The following SLC24A2 variants were observed in gnomAD, a reference collection of about 807,000 sequenced individuals.
The protein encoded by SLC24A2 is sodium/potassium/calcium exchanger 2.
In SLC24A2, 36 loss-of-function variants were observed where a neutral mutation model predicts 62.0. The ratio of observed to expected loss-of-function variants is 0.58; its 90% CI spans 0.44 to 0.77. The LOEUF (loss-of-function observed/expected upper bound fraction) is 0.77. Among genes scored for constraint, SLC24A2 ranks in the 30% least tolerant of loss-of-function variants. SLC24A2 has a pLI of 0.00. For missense variants in SLC24A2, 846 were observed against 817.9 expected, an observed-to-expected ratio of 1.03 and a Z score of -0.42; for synonymous variants, 358 against 294.0, an observed-to-expected ratio of 1.22 and a Z score of -2.23.
At chr9:20,240,749 G>A in the SLC24A2 span, among the ~76,000 whole-genome samples, 35 of 152,154 alleles carry the variant, frequency 2.3e-4, no homozygotes. Context: ...TTTAGGGTGA[G>A]CAAAGGGGAG....
chr9:19,563,101 A>AACTC (rs1186056748), intron 7 of SLC24A2, among the ~76,000 whole-genome samples: 1 of 152,112 alleles, frequency 6.6e-6, no homozygotes, highest in Non-Finnish European at 1.5e-5. Flanking sequence ...GCAAGACCCC[A>AACTC]ACTCTAAAAA....
the SLC24A2 span, among the ~76,000 whole-genome samples, chr9:19,894,604 T>G: frequency 6.6e-6 from 1 of 152,200 alleles, no homozygotes; most frequent in Admixed American, 6.5e-5. Context: ...ACAACTTTCC[T>G]AATTCAATTT....
At chr9:20,097,720 A>T in the SLC24A2 span, among the ~76,000 whole-genome samples, 7 of 69,110 alleles carry the variant, frequency 1.0e-4, no homozygotes, top group East Asian at 2.6e-3. Context: ...ATCTTAAATA[A>T]TTTTTTTTTT....
Position 19,636,328 on chromosome 9 carries a change from TTTC to T in SLC24A2, c.931-14032_931-14030del, listed in dbSNP as rs1564009813. On this transcript the variant is annotated intron_variant, in intron 2 of 10. Transcript: ENST00000341998. ...TCTTTTCTTTTCTTTTCTTTCTTTC[TTTC>T]TTTCTTTCTTTCTTTCTTTCTTTCT... 3.9e-3 allele frequency among the ~76,000 whole-genome samples: 113 copies of T among 28,834 alleles called. 7 individuals carry two copies. The highest frequency in any genetic ancestry group is 0.014 in the Middle Eastern group (1 of 70). 18.9% of individuals were successfully genotyped at this position (28,834 alleles called of 152,430 possible). A position where few individuals can be genotyped will look rare whatever the true frequency, so the allele number is the denominator to read the frequency against.
chr9:20,181,690 A>C, the SLC24A2 span, among the ~76,000 whole-genome samples: 4 of 152,240 alleles, frequency 2.6e-5, no homozygotes, highest in Non-Finnish European at 5.9e-5. Flanking sequence ...TGCTAGAAGA[A>C]AACCTCAGCA....
chr9:20,131,121 G>A, the SLC24A2 span, among the ~76,000 whole-genome samples: 1 of 151,276 alleles, frequency 6.6e-6, no homozygotes, highest in African/African-American at 2.5e-5. Flanking sequence ...GGGTCCAGCA[G>A]TTCAAAGCAG....
chr9:19,601,866 A>G (rs1342076786), intron 4 of SLC24A2, among the ~76,000 whole-genome samples: 1 of 152,200 alleles, frequency 6.6e-6, no homozygotes, highest in Non-Finnish European at 1.5e-5. Flanking sequence ...AATTGTGGTG[A>G]GAATTACAGG....
the SLC24A2 span, among the ~76,000 whole-genome samples, chr9:19,855,164 A>G: frequency 6.6e-6 from 1 of 151,948 alleles, no homozygotes; most frequent in African/African-American, 2.4e-5. Context: ...CTATCTCTTT[A>G]TTTTGAGCCT....
the SLC24A2 span, among the ~76,000 whole-genome samples, chr9:20,266,807 G>T: frequency 1.3e-5 from 2 of 152,204 alleles, no homozygotes; most frequent in African/African-American, 4.8e-5. Flanking sequence ...GCCAGGTGCA[G>T]TGGCTCATGC....
chr9:19,997,131 C>T, the SLC24A2 span, among the ~76,000 whole-genome samples: 1 of 152,050 alleles, frequency 6.6e-6, no homozygotes, highest in African/African-American at 2.4e-5. Flanking sequence ...AGAGCATTTT[C>T]CTCAAGACAA....
chr9:20,294,272 C>A, the SLC24A2 span, among the ~76,000 whole-genome samples: 1 of 152,098 alleles, frequency 6.6e-6, no homozygotes, highest in Non-Finnish European at 1.5e-5. Flanking sequence ...GAGAATGAGT[C>A]AGGCACAACC....
At chr9:19,827,922 G>A in the SLC24A2 span, among the ~76,000 whole-genome samples, 2 of 152,146 alleles carry the variant, frequency 1.3e-5, no homozygotes, top group African/African-American at 4.8e-5. Flanking sequence ...TTCTTCTCCT[G>A]AAAATTGAGA....
At chr9:20,170,211 A>G in the SLC24A2 span, among the ~76,000 whole-genome samples, 10 of 151,994 alleles carry the variant, frequency 6.6e-5, no homozygotes, top group African/African-American at 2.4e-4. Context: ...AACAAAACCT[A>G]AATGTTTGAT....
At chr9:20,298,703 GTATGTA>G in the SLC24A2 span, among the ~76,000 whole-genome samples, 324 of 152,358 alleles carry the variant, frequency 2.1e-3, 2 homozygotes, top group African/African-American at 7.6e-3. Context: ...TAAGTGCTTT[GTATGTA>G]CTAAGTCATT....
At chr9:19,897,951 T>A in the SLC24A2 span, among the ~76,000 whole-genome samples, 1 of 152,214 alleles carries the variant, frequency 6.6e-6, no homozygotes, top group Admixed American at 6.5e-5. Context: ...TTTTGCTGAT[T>A]GTATCAGCCA....
At chr9:20,234,781 C>T in the SLC24A2 span, among the ~76,000 whole-genome samples, 2 of 152,152 alleles carry the variant, frequency 1.3e-5, no homozygotes, top group African/African-American at 2.4e-5. Flanking sequence ...AGCTGTGTTC[C>T]TTTGGAGGAG....
At chr9:19,517,225 G>C (rs1832976592) in intron 10 of SLC24A2, among the ~76,000 whole-genome samples, 1 of 152,266 alleles carries the variant, frequency 6.6e-6, no homozygotes, top group East Asian at 1.9e-4. Flanking sequence ...GAAGTGCAAG[G>C]CTCAGGGAAC....
the SLC24A2 span, among the ~76,000 whole-genome samples, chr9:19,821,346 T>C: frequency 6.6e-6 from 1 of 152,248 alleles, no homozygotes; most frequent in South Asian, 2.1e-4. Context: ...TTAATTAACA[T>C]ATTAGTGATG....
intron 7 of SLC24A2, among the ~76,000 whole-genome samples, chr9:19,569,237 T>C (rs1251369279): frequency 6.6e-6 from 1 of 152,216 alleles, no homozygotes; most frequent in Non-Finnish European, 1.5e-5. Context: ...TAAAAACCCA[T>C]TCTTGTCTCA....
Sources: gnomAD v4.1 joint callset for allele counts (sites outside exome capture counted in the v4.1 genomes callset) on GRCh38, gnomAD v4.1.1 for gene constraint, MANE v1.5 for transcripts, NCBI Gene and HGNC (gene_info 2026-07-23, HGNC 2026-07-21) for gene names.